ROBO2: variants seen among roughly 807,000 people sequenced by gnomAD.
The protein encoded by ROBO2 is roundabout guidance receptor 2, also known as roundabout homolog 2.
In ROBO2, 53 loss-of-function variants were observed where a neutral mutation model predicts 160.8. That is an observed-to-expected ratio of 0.33 (90% CI 0.26 to 0.41). The LOEUF (loss-of-function observed/expected upper bound fraction) is 0.41, where lower values mean the gene tolerates loss of function less well. Ranked by LOEUF, ROBO2 falls within the 10% of genes least tolerant of loss-of-function variation. ROBO2 has a pLI of 1.00. For synonymous variants in ROBO2, 664 were observed against 611.7 expected, an observed-to-expected ratio of 1.09 and a Z score of -1.26; for missense variants, 1,577 against 1,722.4, an observed-to-expected ratio of 0.92 and a Z score of 1.49.
intron 2 of ROBO2, among the ~76,000 whole-genome samples, chr3:76,838,737 C>A (rs965236622): frequency 6.6e-6 from 1 of 152,062 alleles, no homozygotes. Context: ...ATTGTAAGGG[C>A]TCCGAAAGTG....
intron 2 of ROBO2, among the ~76,000 whole-genome samples, chr3:76,262,685 A>T (rs1706844804): frequency 6.6e-6 from 1 of 152,170 alleles, no homozygotes. Flanking sequence ...GGGAAAAAGT[A>T]TATTCCCTGA....
At chr3:77,351,216 C>A (rs1312477810) in intron 2 of ROBO2, among the ~76,000 whole-genome samples, 3 of 151,858 alleles carry the variant, frequency 2.0e-5, no homozygotes, top group African/African-American at 7.3e-5. Context: ...ATAGTCAGAT[C>A]TCGAATAAAT....
At chr3:77,416,966 G>A (rs1308742147) in intron 2 of ROBO2, among the ~76,000 whole-genome samples, 1 of 152,130 alleles carries the variant, frequency 6.6e-6, no homozygotes, top group African/African-American at 2.4e-5. Context: ...AGGTGAGCAA[G>A]CATAATGAGT....
chr3:77,448,017 G>A (rs2080737030), intron 2 of ROBO2, among the ~76,000 whole-genome samples: 1 of 152,144 alleles, frequency 6.6e-6, no homozygotes, highest in Non-Finnish European at 1.5e-5. Flanking sequence ...AAAGATGAGT[G>A]ACAATAATTT....
At chr3:76,959,713 G>A (rs2079516575) in intron 2 of ROBO2, among the ~76,000 whole-genome samples, 1 of 151,990 alleles carries the variant, frequency 6.6e-6, no homozygotes, top group African/African-American at 2.4e-5. Context: ...ATTTAAATAA[G>A]TAGTAATTTG....
At chr3:76,656,978 G>C (rs1204410561) in intron 2 of ROBO2, among the ~76,000 whole-genome samples, 1 of 152,096 alleles carries the variant, frequency 6.6e-6, no homozygotes, top group Admixed American at 6.6e-5. Context: ...CTATTTTGGA[G>C]AGATACAATT....
At chr3:76,099,180 C>T (rs950709360) in intron 2 of ROBO2, among the ~76,000 whole-genome samples, 1 of 152,112 alleles carries the variant, frequency 6.6e-6, no homozygotes, top group Non-Finnish European at 1.5e-5. Context: ...GCAGCCAAGA[C>T]AGATGTGAGT....
At chr3:76,454,746 C>G (rs2077664294) in intron 2 of ROBO2, among the ~76,000 whole-genome samples, 1 of 151,998 alleles carries the variant, frequency 6.6e-6, no homozygotes, top group Non-Finnish European at 1.5e-5. Context: ...TTGAAAAAGC[C>G]TTTTATCACT....
At chr3:76,773,001 C>T (rs1183616455) in intron 2 of ROBO2, among the ~76,000 whole-genome samples, 1 of 151,034 alleles carries the variant, frequency 6.6e-6, no homozygotes, top group African/African-American at 2.4e-5. Context: ...TGATAAAAAG[C>T]ATTTAAATAC....
At chr3:77,329,727 T>C (rs2065795542) in intron 2 of ROBO2, among the ~76,000 whole-genome samples, 1 of 152,188 alleles carries the variant, frequency 6.6e-6, no homozygotes, top group African/African-American at 2.4e-5. Flanking sequence ...ATCCAATTTG[T>C]ACAGTCAGTC....
intron 2 of ROBO2, among the ~76,000 whole-genome samples, chr3:76,985,702 T>G (rs2060343798): frequency 6.6e-6 from 1 of 151,936 alleles, no homozygotes; most frequent in African/African-American, 2.4e-5. Flanking sequence ...CTAATGTTCT[T>G]CAAAATTATT....
chr3:76,960,372 C>A (rs1012619322), intron 2 of ROBO2, among the ~76,000 whole-genome samples: 10 of 152,056 alleles, frequency 6.6e-5, no homozygotes, highest in African/African-American at 2.4e-4. Context: ...TGATTATTTT[C>A]TAATGACCTT....
At chr3:76,084,600 G>T (rs2068945402) in intron 2 of ROBO2, among the ~76,000 whole-genome samples, 1 of 152,012 alleles carries the variant, frequency 6.6e-6, no homozygotes, top group Non-Finnish European at 1.5e-5. Flanking sequence ...CCCGAATTTG[G>T]CTACATATTA....
intron 17 of ROBO2, among the ~76,000 whole-genome samples, chr3:77,593,930 C>T (rs1042356812): frequency 6.6e-6 from 1 of 152,118 alleles, no homozygotes; most frequent in East Asian, 1.9e-4. Flanking sequence ...TAATCAACCC[C>T]TTCCAAAGAT....
At chr3:76,438,032 G>A (rs749282819) in intron 2 of ROBO2, among the ~76,000 whole-genome samples, 14 of 152,132 alleles carry the variant, frequency 9.2e-5, no homozygotes, top group Non-Finnish European at 1.8e-4. Context: ...AGCATATACA[G>A]TTCCAGGATT....
intron 2 of ROBO2, among the ~76,000 whole-genome samples, chr3:77,198,726 C>T (rs1011503692): frequency 6.6e-6 from 1 of 152,050 alleles, no homozygotes; most frequent in Non-Finnish European, 1.5e-5. Flanking sequence ...TATGGTGAAA[C>T]CCTGTCTCTA....
intron 2 of ROBO2, among the ~76,000 whole-genome samples, chr3:76,173,280 TTATG>T (rs2073110690): frequency 7.0e-6 from 1 of 142,516 alleles, no homozygotes; most frequent in Non-Finnish European, 1.6e-5. Flanking sequence ...ACATACATAC[TTATG>T]TATCAAATTC....
chr3:76,192,524 CCACACACACACACA>C lies in ROBO2; in HGVS notation c.109+254956_109+254969del, dbSNP rs3039244. On this transcript the variant is annotated intron_variant, in intron 2 of 26. Transcript: ENST00000487694. ...TCTAAACTTTGCGTCCAACACTCCACCACACACACACACACACACACACACACACACACACACAC... is the reference window on the plus strand; with the variant it reads ...TCTAAACTTTGCGTCCAACACTCCACCACACACACACACACACACACACAC... Among the ~76,000 whole-genome samples, 874 of 130,148 alleles carry C rather than the reference CCACACACACACACA, an allele frequency of 6.7e-3. 6 individuals are homozygous for C. The highest frequency in any genetic ancestry group is 0.011 in the Non-Finnish European group (703 of 61,590). 85.4% of individuals were successfully genotyped at this position (130,148 alleles called of 152,430 possible).
chr3:77,346,104 C>T (rs2067605051), intron 2 of ROBO2, among the ~76,000 whole-genome samples: 1 of 152,112 alleles, frequency 6.6e-6, no homozygotes, highest in African/African-American at 2.4e-5. Context: ...TGCAACCAAA[C>T]ATTAGGCAAT....
Sources: allele counts gnomAD v4.1 joint callset (sites outside exome capture counted in the v4.1 genomes callset), GRCh38; gene constraint gnomAD v4.1.1; transcripts MANE v1.5; gene names NCBI Gene and HGNC (gene_info 2026-07-23, HGNC 2026-07-21).